Variants in BMPR1A observed in about 807,000 individuals in gnomAD.
The protein encoded by BMPR1A is bone morphogenetic protein receptor type-1A.
In BMPR1A, 7 loss-of-function variants were observed where a neutral mutation model predicts 66.0. The ratio of observed to expected loss-of-function variants is 0.11; its 90% CI spans 0.06 to 0.20. BMPR1A has a LOEUF of 0.20. BMPR1A is among the 10% of genes least tolerant of loss of function. The pLI is 1.00. For missense variants in BMPR1A, 408 were observed against 669.1 expected, an observed-to-expected ratio of 0.61 and a Z score of 4.31; for synonymous variants, 200 against 229.7, an observed-to-expected ratio of 0.87 and a Z score of 1.17.
At chr10:86,773,854 CTTT>C (rs34632382) in intron 1 of BMPR1A, among the ~76,000 whole-genome samples, 5 of 142,120 alleles carry the variant, frequency 3.5e-5, no homozygotes, top group Non-Finnish European at 4.6e-5. Flanking sequence ...GTATTTCATT[CTTT>C]TTTTTTTTTT....
At chr10:86,869,234 A>G (rs1283763044) in intron 2 of BMPR1A, among the ~76,000 whole-genome samples, 1 of 152,156 alleles carries the variant, frequency 6.6e-6, no homozygotes, top group East Asian at 1.9e-4. Context: ...AGGTGGACAG[A>G]TCGCCTGAGG....
intron 1 of BMPR1A, among the ~76,000 whole-genome samples, chr10:86,799,362 G>A (rs780204362): frequency 2.0e-5 from 3 of 152,152 alleles, no homozygotes; most frequent in Non-Finnish European, 4.4e-5. Flanking sequence ...AAACTAGAGT[G>A]TGAAAATGCT....
intron 2 of BMPR1A, among the ~76,000 whole-genome samples, chr10:86,866,061 G>A (rs974845701): frequency 1.4e-4 from 21 of 152,122 alleles, no homozygotes; most frequent in African/African-American, 4.3e-4. Flanking sequence ...CAGGAACAGC[G>A]AACCAAATTG....
At chr10:86,909,139 A>G (rs1254153091) in intron 7 of BMPR1A, among the ~76,000 whole-genome samples, 10 of 152,200 alleles carry the variant, frequency 6.6e-5, no homozygotes, top group African/African-American at 2.4e-4. Flanking sequence ...AGCTAAACAA[A>G]TAATATAACT....
chr10:86,848,804 A>G (rs1275416806), intron 2 of BMPR1A, among the ~76,000 whole-genome samples: 1 of 152,202 alleles, frequency 6.6e-6, no homozygotes, highest in East Asian at 1.9e-4. Flanking sequence ...TAATTTTTCC[A>G]GCAACCCAGG....
intron 1 of BMPR1A, among the ~76,000 whole-genome samples, chr10:86,793,619 G>A (rs1841663319): frequency 6.6e-6 from 1 of 151,996 alleles, no homozygotes; most frequent in South Asian, 2.1e-4. Flanking sequence ...CAAAGTGCTG[G>A]GATTACAGGT....
intron 1 of BMPR1A, among the ~76,000 whole-genome samples, chr10:86,791,401 A>G (rs1841616747): frequency 6.6e-6 from 1 of 151,394 alleles, no homozygotes; most frequent in South Asian, 2.1e-4. Flanking sequence ...TTTAGTAGAG[A>G]CGGGGTTTCA....
At chr10:86,858,006 G>T (rs1842667640) in intron 2 of BMPR1A, among the ~76,000 whole-genome samples, 1 of 151,930 alleles carries the variant, frequency 6.6e-6, no homozygotes, top group Non-Finnish European at 1.5e-5. Flanking sequence ...ATACTCAAAG[G>T]AATTAGTTTC....
chr10:86,778,042 G>C (rs145112103), intron 1 of BMPR1A, among the ~76,000 whole-genome samples: 1 of 151,726 alleles, frequency 6.6e-6, no homozygotes, highest in South Asian at 2.1e-4. Context: ...ACAAATGTAC[G>C]TATTTAGGGG....
chr10:86,931,298 C>CACACACACACATATATATAT, downstream of BMPR1A: 29 of 90,918 alleles, frequency 3.2e-4, 1 homozygote, highest in Middle Eastern at 6.0e-3. Flanking sequence ...CACACACACA[C>CACACACACACATATATATAT]ATATATATAT....
At chr10:86,811,843 G>A (rs1841975700) in intron 1 of BMPR1A, among the ~76,000 whole-genome samples, 1 of 152,096 alleles carries the variant, frequency 6.6e-6, no homozygotes, top group Non-Finnish European at 1.5e-5. Context: ...ATTAATAAAA[G>A]CAGGGACAGG....
rs73346165 is a variant in BMPR1A at position 86,765,548 on chromosome 10, A to G, written c.-268+8629A>G. The stretch of plus-strand genomic sequence containing the variant: ...CTATGAAGCCCTCCTCAGTGGTCCA[A>G]GCCTCATAGTTGGCTCTTTGCTGCA... On this transcript the variant is annotated intron_variant, in intron 1 of 12. Coordinates refer to ENST00000372037, the MANE Select transcript of BMPR1A (RefSeq NM_004329.3). Among the ~76,000 whole-genome samples the G allele has an allele frequency of 0.016, 2,488 of 151,952 alleles. 78 individuals carry two copies. The highest frequency in any genetic ancestry group is 0.057 in the African/African-American group (2,369 of 41,366).
At chr10:86,864,163 T>C (rs572540279) in intron 2 of BMPR1A, among the ~76,000 whole-genome samples, 3 of 152,350 alleles carry the variant, frequency 2.0e-5, no homozygotes, top group Admixed American at 2.0e-4. Context: ...CTCTTCTTCC[T>C]CTGTGGATCC....
chr10:86,853,966 G>A (rs375512388), intron 2 of BMPR1A, among the ~76,000 whole-genome samples: 2 of 152,116 alleles, frequency 1.3e-5, no homozygotes, highest in Non-Finnish European at 2.9e-5. Flanking sequence ...TTTATTAGGC[G>A]GGAATTTCCT....
chr10:86,786,186 C>T (rs1447831539), intron 1 of BMPR1A, among the ~76,000 whole-genome samples: 1 of 152,192 alleles, frequency 6.6e-6, no homozygotes, highest in African/African-American at 2.4e-5. Context: ...TCACTCAGCC[C>T]TTGCCTCTAC....
chr10:86,925,545 A>C lies in BMPR1A; in HGVS notation c.*1826A>C, dbSNP rs371857311. 2.0e-5 allele frequency: 4 copies of C among 200,300 alleles called. No individual in the cohort carries two copies. The highest frequency in any genetic ancestry group is 1.9e-4 in the South Asian group (1 of 5,234). 12.4% of individuals were successfully genotyped at this position (200,300 alleles called of 1,614,324 possible). The stretch of plus-strand genomic sequence containing the variant: ...TGTTCATCAAGATAAGTAAATTTGC[A>C]TATGGATAATACCCAATAACTTGTT... On this transcript the variant is annotated 3_prime_UTR_variant, in exon 13 of 13. Coordinates refer to ENST00000372037, the MANE Select transcript of BMPR1A (RefSeq NM_004329.3).
At chr10:86,790,186 AAAATATATATATATAT>A (rs1427315690) in intron 1 of BMPR1A, among the ~76,000 whole-genome samples, 369 of 31,310 alleles carry the variant, frequency 0.012, 41 homozygotes, top group Non-Finnish European at 0.015. Context: ...AAAAAAAAAA[AAAATATATATATATAT>A]ATATATATAT....
At position 86,890,059 on chromosome 10, in the gene BMPR1A, C is replaced by A; in HGVS notation, c.68-3C>A. On this transcript the variant is annotated splice_region_variant and splice_polypyrimidine_tract_variant and intron_variant, in intron 3 of 12. Coordinates refer to ENST00000372037, the MANE Select transcript of BMPR1A (RefSeq NM_004329.3). ...TACTTACAAATTCCATATTTGAATG[C>A]AGGACAGAATCTGGATAGTATGCTT... The A allele has an allele frequency of 6.2e-7, 1 of 1,612,480 alleles. No individual in the cohort carries two copies. Among genetic ancestry groups the A allele is most frequent in the Non-Finnish European group, 8.5e-7 (1 of 1,179,884 alleles).
In BMPR1A at chr10:86,791,570, A is replaced by G. The variant is rs1451421621; in HGVS notation, c.-268+34651A>G. On this transcript the variant is annotated intron_variant, in intron 1 of 12. Transcript: ENST00000372037. The stretch of plus-strand genomic sequence containing the variant: ...GTAGAAATTCACTAAGTGATGTCTG[A>G]TTTTAGCAATAATTATTCAAAGAGA... 2.6e-5 allele frequency among the ~76,000 whole-genome samples: 4 copies of G among 151,830 alleles called. No homozygotes were observed. In the East Asian group the frequency reaches 7.8e-4, roughly 29 times the overall value.
Sources: gnomAD v4.1 joint callset for allele counts (sites outside exome capture counted in the v4.1 genomes callset) on GRCh38, gnomAD v4.1.1 for gene constraint, MANE v1.5 for transcripts, NCBI Gene and HGNC (gene_info 2026-07-23, HGNC 2026-07-21) for gene names.